Variants in PARD6G observed in about 807,000 individuals in gnomAD.
The protein encoded by PARD6G is par-6 family cell polarity regulator gamma, also known as partitioning defective 6 homolog gamma.
PARD6G carries 7 observed loss-of-function variants against 10.7 expected under a neutral mutation model. The observed-to-expected ratio is 0.66, with a 90% CI of 0.37 to 1.23. The LOEUF (loss-of-function observed/expected upper bound fraction) is 1.23. PARD6G is among the 50% of genes most tolerant of loss of function. The probability of loss-of-function intolerance (pLI) is 0.02; values close to 1 mark genes in which losing one functional copy is unlikely to be tolerated. For synonymous variants in PARD6G, 287 were observed against 269.4 expected (o/e 1.07, Z -0.64); for missense variants, 548 against 571.8 (o/e 0.96, Z 0.42).
rs1030325167 is a variant in PARD6G at position 80,159,863 on chromosome 18, G to T, written c.1039C>A (p.Arg347=). 3 of 1,509,552 alleles carry T rather than the reference G, an allele frequency of 2.0e-6. No homozygotes were observed. The highest frequency in any genetic ancestry group is 2.6e-6 in the Non-Finnish European group (3 of 1,134,628). The allele number at this position is 1,509,552 out of a possible 1,614,324, so 93.5% of individuals were successfully genotyped here. ...TCGGCCCGCAGGGAGCTGAGCAGCC[G>T]CTGGAGGCCGCCGTCCAGGGCCAGG... ...RDLALDGGLQ[R]LLSSLRADPR... Residue 347 remains arginine, a synonymous_variant, in exon 3 of 3, where the codon CGG becomes AGG. Coordinates refer to ENST00000353265, the MANE Select transcript of PARD6G (RefSeq NM_032510.4).
At chr18:80,215,726 G>A (rs999710190) in intron 1 of PARD6G, among the ~76,000 whole-genome samples, 2 of 152,002 alleles carry the variant, frequency 1.3e-5, no homozygotes, top group African/African-American at 2.4e-5. Flanking sequence ...TGATGAGACA[G>A]AAAATAAACA....
At chr18:80,163,629 AG>A (rs1221529119) in intron 2 of PARD6G, among the ~76,000 whole-genome samples, 1 of 152,228 alleles carries the variant, frequency 6.6e-6, no homozygotes, top group Non-Finnish European at 1.5e-5. Context: ...CCCACAGGGC[AG>A]CAAGTGCTCT....
rs997114349 is a variant in PARD6G at position 80,184,624 on chromosome 18, C to T, written c.295+18086G>A. The stretch of plus-strand genomic sequence containing the variant: ...GAAACAGGCCATGACACGGACGAGC[C>T]ACACCATGGATGACCCCACGGACAC... On this transcript the variant is annotated intron_variant, in intron 2 of 2. Transcript: ENST00000353265. The surrounding 1 kb of genome is among the most constrained non-coding windows in gnomAD (Gnocchi z 4.5). 1 of 152,490 alleles carries T rather than the reference C, an allele frequency of 6.6e-6. No individual in the cohort carries two copies. Among genetic ancestry groups the T allele is most frequent in the Non-Finnish European group, 1.5e-5 (1 of 68,222 alleles). The allele number at this position is 152,490 out of a possible 1,614,324, so 9.4% of individuals were successfully genotyped here.
rs1967360577 is a variant in PARD6G at position 80,231,765 on chromosome 18, G to A, written c.72+15512C>T. Among the ~76,000 whole-genome samples, 1 of 152,128 alleles carries A rather than the reference G, an allele frequency of 6.6e-6. No individual in the cohort carries two copies. Among genetic ancestry groups the A allele is most frequent in the Non-Finnish European group, 1.5e-5 (1 of 68,014 alleles). On this transcript the variant is annotated intron_variant, in intron 1 of 2. Coordinates refer to ENST00000353265, the MANE Select transcript of PARD6G (RefSeq NM_032510.4). This position sits in a 1 kb window ranked among gnomAD's most constrained non-coding sequence, Gnocchi z 4.2. ...ACTCGCTCAACTTGCTCACCAAGCTGTTTGTTCTCCCCCAGGCCTAGAGAC... is the reference window on the plus strand; with the variant it reads ...ACTCGCTCAACTTGCTCACCAAGCTATTTGTTCTCCCCCAGGCCTAGAGAC...
At chr18:80,203,375 T>C (rs1176070806) in intron 1 of PARD6G, among the ~76,000 whole-genome samples, 2 of 152,076 alleles carry the variant, frequency 1.3e-5, no homozygotes, top group Non-Finnish European at 2.9e-5. Context: ...GAAATTATAA[T>C]ACAGGAAGAG....
In PARD6G at chr18:80,190,799, T is replaced by C. The variant is rs567494405; in HGVS notation, c.295+11911A>G. 5.9e-5 allele frequency among the ~76,000 whole-genome samples: 9 copies of C among 152,306 alleles called. No homozygotes were observed. In the South Asian group the frequency reaches 1.9e-3, roughly 32 times the overall value. ...CTCCTCTGTGAGGCCCTGCAGCCCC[T>C]GGAACTCTTTCTTGGTCTCCAGGCA... On this transcript the variant is annotated intron_variant, in intron 2 of 2. Coordinates refer to ENST00000353265, the MANE Select transcript of PARD6G (RefSeq NM_032510.4).
chr18:80,194,323 G>A (rs1407299012), intron 2 of PARD6G, among the ~76,000 whole-genome samples: 1 of 152,120 alleles, frequency 6.6e-6, no homozygotes, highest in Admixed American at 6.6e-5. Context: ...GTAAATAAAG[G>A]TGCCAAATGG....
At chr18:80,162,959 A>C (rs1042333464) in intron 2 of PARD6G, among the ~76,000 whole-genome samples, 14 of 152,184 alleles carry the variant, frequency 9.2e-5, no homozygotes, top group Non-Finnish European at 1.8e-4. Context: ...ACCTCACTGA[A>C]GGCATCTGCC....
intron 2 of PARD6G, among the ~76,000 whole-genome samples, chr18:80,195,548 C>CATACATATATATATAT (rs767700720): frequency 4.9e-5 from 4 of 82,214 alleles, no homozygotes; most frequent in African/African-American, 1.3e-4. Flanking sequence ...TTCAAAGATA[C>CATACATATATATATAT]ATATATATAT....
At chr18:80,229,547 TGGAAATGCTCTACACCAGACCC>T (rs1967334933) in intron 1 of PARD6G, among the ~76,000 whole-genome samples, 1 of 152,112 alleles carries the variant, frequency 6.6e-6, no homozygotes, top group East Asian at 1.9e-4. Flanking sequence ...TGGAGCCAGC[TGGAAATGCTCTACACCAGACCC>T]GGAGTCCAAA....
intron 1 of PARD6G, among the ~76,000 whole-genome samples, chr18:80,244,243 C>T (rs964039761): frequency 1.3e-5 from 2 of 151,988 alleles, no homozygotes; most frequent in Non-Finnish European, 2.9e-5. Flanking sequence ...AGGCCAAAGT[C>T]GAAGCTAAGT....
At chr18:80,174,742 CAGG>C (rs34525087) in intron 2 of PARD6G, among the ~76,000 whole-genome samples, 1,936 of 152,186 alleles carry the variant, frequency 0.013, 36 homozygotes, top group African/African-American at 0.044. Context: ...ATCACGAGGT[CAGG>C]AGATCGAGAC....
intron 1 of PARD6G, among the ~76,000 whole-genome samples, chr18:80,216,686 C>T (rs147892193): frequency 5.1e-4 from 77 of 151,966 alleles, no homozygotes; most frequent in African/African-American, 1.6e-3. Context: ...ATTCAATAAT[C>T]GAAACTTCCA....
At chr18:80,212,849 C>T (rs1387991148) in intron 1 of PARD6G, among the ~76,000 whole-genome samples, 1 of 151,748 alleles carries the variant, frequency 6.6e-6, no homozygotes, top group Non-Finnish European at 1.5e-5. Flanking sequence ...TGTGCCACTG[C>T]ACTCCAGCCT....
intron 1 of PARD6G, among the ~76,000 whole-genome samples, chr18:80,221,617 C>T (rs570014423): frequency 3.3e-5 from 5 of 151,280 alleles, no homozygotes; most frequent in African/African-American, 4.9e-5. Flanking sequence ...GGTTAAAAGA[C>T]AATGATTTTC....
chr18:80,240,478 C>G (rs1967477814), intron 1 of PARD6G, among the ~76,000 whole-genome samples: 1 of 152,190 alleles, frequency 6.6e-6, no homozygotes, highest in Non-Finnish European at 1.5e-5. Flanking sequence ...CAAGGCACTG[C>G]TCTTCCCACC....
rs1899460228 is a variant in PARD6G at position 80,192,093 on chromosome 18, G to A, written c.295+10617C>T. 6.6e-6 allele frequency among the ~76,000 whole-genome samples: 1 copy of A among 152,216 alleles called. No individual in the cohort carries two copies. The highest frequency in any genetic ancestry group is 2.1e-4 in the South Asian group (1 of 4,826). Reference sequence around the variant, plus strand: ...ACAAGAAGGTCAGCGTTAACCACAAGAAGTTTCCATTTGATCATTAAGGAG... The same window carrying A: ...ACAAGAAGGTCAGCGTTAACCACAAAAAGTTTCCATTTGATCATTAAGGAG... On this transcript the variant is annotated intron_variant, in intron 2 of 2. Transcript: ENST00000353265. This position sits in a 1 kb window ranked among gnomAD's most constrained non-coding sequence, Gnocchi z 4.9.
At chr18:80,221,459 A>T (rs1386613859) in intron 1 of PARD6G, among the ~76,000 whole-genome samples, 2 of 152,210 alleles carry the variant, frequency 1.3e-5, no homozygotes, top group Non-Finnish European at 2.9e-5. Context: ...AAGCCATATG[A>T]TCATGTCAAT....
chr18:80,234,220 G>C (rs1256421914), intron 1 of PARD6G, among the ~76,000 whole-genome samples: 1 of 152,126 alleles, frequency 6.6e-6, no homozygotes, highest in Non-Finnish European at 1.5e-5. Context: ...TGTCAGGCCT[G>C]TTCTCATCTC....
Sources: allele counts gnomAD v4.1 joint callset (sites outside exome capture counted in the v4.1 genomes callset), GRCh38; gene constraint gnomAD v4.1.1; non-coding constraint Gnocchi (gnomAD v3.1); transcripts MANE v1.5; gene names NCBI Gene and HGNC (gene_info 2026-07-23, HGNC 2026-07-21).